AFF1: variants seen among roughly 807,000 people sequenced by gnomAD.
The protein encoded by AFF1 is ALF transcription elongation factor 1.
Under a neutral mutation model 121.7 loss-of-function variants are expected in AFF1, and 48 were observed. That is an observed-to-expected ratio of 0.39 (90% CI 0.31 to 0.50). AFF1 has a LOEUF of 0.50. AFF1 is among the 20% of genes least tolerant of loss of function. The pLI is 0.76. For missense variants in AFF1, 1,523 were observed against 1,511.7 expected (o/e 1.01, Z -0.12); for synonymous variants, 613 against 563.0 (o/e 1.09, Z -1.26).
chr4:87,132,529 T>C, intron 19 of AFF1, 121 bp downstream of exon 19: 1 of 954,966 alleles, frequency 1.0e-6, no homozygotes, highest in Non-Finnish European at 1.5e-6. Context: ...ATTGTTGGCT[T>C]CATCTGTTTG....
At chr4:86,969,520 A>G (rs185628155) in intron 2 of AFF1, among the ~76,000 whole-genome samples, 4 of 150,256 alleles carry the variant, frequency 2.7e-5, no homozygotes, top group Non-Finnish European at 1.5e-5. Context: ...CGGTTTATCA[A>G]TAGGGGATTA....
Position 87,126,313 on chromosome 4 carries a change from T to G in AFF1, c.2788T>G (p.Ser930Ala), listed in dbSNP as rs2149791670. The change falls in exon 14 of 21, where the codon TCC (serine) becomes GCC (alanine). Residue 930 changes from serine (S) to alanine (A), a missense_variant. Physicochemically the swap from Ser to Ala is moderately conservative, Grantham distance 99 (BLOSUM62 1). Around this residue, in one of 5 missense-constraint regions of AFF1, gnomAD observed 905 missense variants for 842.5 expected, o/e 1.07. Coordinates refer to ENST00000395146, the MANE Select transcript of AFF1 (RefSeq NM_001166693.3). ...PKQRRVEGKG[S>A]RSSSEHKGSS... ...GCAGAGAAGAGTAGAGGGGAAGGGCTCCAGAAGCTCCTCGGAGCACAAGGT... is the reference window on the plus strand; with the variant it reads ...GCAGAGAAGAGTAGAGGGGAAGGGCGCCAGAAGCTCCTCGGAGCACAAGGT... The G allele has an allele frequency of 6.2e-7, 1 of 1,614,022 alleles. No individual in the cohort carries two copies. Among genetic ancestry groups the G allele is most frequent in the African/African-American group, 1.3e-5 (1 of 74,994 alleles).
intron 4 of AFF1, among the ~76,000 whole-genome samples, chr4:87,078,221 A>C (rs1202921663): frequency 6.6e-6 from 1 of 152,218 alleles, no homozygotes; most frequent in Admixed American, 6.5e-5. Context: ...AATGCAAAAC[A>C]ATTATCTTTT....
At chr4:87,085,378 C>T (rs1462952537) in intron 5 of AFF1, among the ~76,000 whole-genome samples, 1 of 150,714 alleles carries the variant, frequency 6.6e-6, no homozygotes, top group Non-Finnish European at 1.5e-5. Context: ...CTTTAATTTG[C>T]TTCTAGGTCA....
chr4:87,033,397 T>C (rs1729255985), intron 2 of AFF1, among the ~76,000 whole-genome samples: 2 of 152,310 alleles, frequency 1.3e-5, no homozygotes, highest in East Asian at 3.9e-4. Context: ...TGTGGTGCAA[T>C]TGGTTCTCTG....
At chr4:87,053,579 A>G (rs1429703023) in intron 4 of AFF1, among the ~76,000 whole-genome samples, 1 of 152,220 alleles carries the variant, frequency 6.6e-6, no homozygotes, top group Non-Finnish European at 1.5e-5. Context: ...CCGATGGTGC[A>G]CATCCTGCTC....
At chr4:87,023,962 T>G (rs1318137534) in intron 2 of AFF1, among the ~76,000 whole-genome samples, 1 of 152,210 alleles carries the variant, frequency 6.6e-6, no homozygotes, top group Admixed American at 6.5e-5. Flanking sequence ...CTGGGCACTT[T>G]TAAGGACAGA....
chr4:86,969,452 C>G (rs1722765845), intron 2 of AFF1, among the ~76,000 whole-genome samples: 1 of 151,888 alleles, frequency 6.6e-6, no homozygotes, highest in African/African-American at 2.4e-5. Flanking sequence ...GCACTCCAGC[C>G]TGGGCAACAG....
chr4:87,040,080 CAG>C (rs1267915350), intron 2 of AFF1, among the ~76,000 whole-genome samples: 7 of 152,030 alleles, frequency 4.6e-5, no homozygotes, highest in African/African-American at 1.7e-4. Flanking sequence ...TTAGTAGAGA[CAG>C]GGTTTCGCCA....
intron 16 of AFF1, among the ~76,000 whole-genome samples, chr4:87,130,515 C>T (rs1276768803): frequency 6.6e-6 from 1 of 152,116 alleles, no homozygotes; most frequent in Non-Finnish European, 1.5e-5. Context: ...TTCTACATTC[C>T]CTTTAAGGGA....
chr4:86,940,757 CT>C (rs553660532), intron 1 of AFF1, among the ~76,000 whole-genome samples: 3 of 151,908 alleles, frequency 2.0e-5, no homozygotes, highest in Non-Finnish European at 2.9e-5. Context: ...GAGATTTTAT[CT>C]TTTTTTTATT....
chr4:87,096,063 G>A (rs1206206936), intron 8 of AFF1, among the ~76,000 whole-genome samples: 1 of 152,188 alleles, frequency 6.6e-6, no homozygotes. Context: ...ATGACTAAAT[G>A]TGGGTCTGGG....
At chr4:87,133,082 G>C (rs1038288616) in intron 19 of AFF1, among the ~76,000 whole-genome samples, 19 of 152,330 alleles carry the variant, frequency 1.2e-4, no homozygotes, top group South Asian at 4.1e-4. Flanking sequence ...TTCTCTCTCT[G>C]TATGTATGGA....
At chr4:86,980,496 A>G (rs1723650852) in intron 2 of AFF1, among the ~76,000 whole-genome samples, 1 of 152,164 alleles carries the variant, frequency 6.6e-6, no homozygotes, top group Non-Finnish European at 1.5e-5. Flanking sequence ...ATCTCTAAGA[A>G]AATAAAAAAG....
rs1420075967 is a variant in AFF1, at chr4:86,978,286, C to T, written c.38+29715C>T. Among the ~76,000 whole-genome samples the T allele has an allele frequency of 2.1e-5, 3 of 142,650 alleles. No individual in the cohort carries two copies. In the Admixed American group the frequency reaches 2.2e-4, roughly 10 times the overall value. The allele number at this position is 142,650 out of a possible 152,430, so 93.6% of individuals were successfully genotyped here. On this transcript the variant is annotated intron_variant, in intron 2 of 20. Coordinates refer to ENST00000395146, the MANE Select transcript of AFF1 (RefSeq NM_001166693.3). ...GCAACCTCCACCTCCTGGGTTCAAG[C>T]GATTCTCCTGCCTCAGCCTCCCGAA...
chr4:86,948,484 T>G lies in AFF1; in HGVS notation c.-36-14T>G. 1 of 1,521,232 alleles carries G rather than the reference T, an allele frequency of 6.6e-7. No individual in the cohort carries two copies. Among genetic ancestry groups the G allele is most frequent in the Non-Finnish European group, 8.8e-7 (1 of 1,133,050 alleles). The allele number at this position is 1,521,232 out of a possible 1,614,324, so 94.2% of individuals were successfully genotyped here. ...AGGCTAATGTTCACAGGCTACTCTT[T>G]GTTTCTCTTTCAGATGAACAGACTA... On this transcript the variant is annotated splice_polypyrimidine_tract_variant and intron_variant, in intron 1 of 20. Transcript: ENST00000395146.
At position 87,034,716 on chromosome 4, in the gene AFF1, G is replaced by A. The variant is rs554545154; in HGVS notation, c.39-11450G>A. On this transcript the variant is annotated intron_variant, in intron 2 of 20. Coordinates refer to ENST00000395146, the MANE Select transcript of AFF1 (RefSeq NM_001166693.3). ...GGTGTTAGCTGAGGCAACTCTCTTG[G>A]TCCATCTAAGAAAGGGTGTTGTCAG... 3.3e-5 allele frequency among the ~76,000 whole-genome samples: 5 copies of A among 152,250 alleles called. 1 individual carries two copies. The South Asian group carries it at 1.0e-3, about 32-fold the overall frequency.
chr4:87,000,004 G>A (rs1363196715), intron 2 of AFF1, among the ~76,000 whole-genome samples: 1 of 152,202 alleles, frequency 6.6e-6, no homozygotes, highest in African/African-American at 2.4e-5. Flanking sequence ...GCATGTCAAA[G>A]GGGCAAGGAG....
chr4:87,134,760 T>G, intron 20 of AFF1, 66 bp downstream of exon 20: 1 of 1,337,566 alleles, frequency 7.5e-7, no homozygotes, highest in East Asian at 2.3e-5. Context: ...AACATTGGTT[T>G]ATATTTTATA....
Sources: gnomAD v4.1 joint callset for allele counts (sites outside exome capture counted in the v4.1 genomes callset) on GRCh38, gnomAD v4.1.1 for gene constraint, gnomAD v4.1.1 regional missense constraint, MANE v1.5 for transcripts, NCBI Gene and HGNC (gene_info 2026-07-23, HGNC 2026-07-21) for gene names.